The following JAK1 variants were observed in gnomAD, a reference collection of about 807,000 sequenced individuals.
The protein encoded by JAK1 is tyrosine-protein kinase JAK1.
In JAK1, 16 loss-of-function variants were observed where a neutral mutation model predicts 136.6. The ratio of observed to expected loss-of-function variants is 0.12; its 90% CI spans 0.08 to 0.18. JAK1 has a LOEUF of 0.18. Among genes scored for constraint, JAK1 ranks in the 10% least tolerant of loss-of-function variants. JAK1 has a pLI of 1.00. For synonymous variants in JAK1, 492 were observed against 519.5 expected, an observed-to-expected ratio of 0.95 and a Z score of 0.72; for missense variants, 859 against 1,450.1, an observed-to-expected ratio of 0.59 and a Z score of 6.62.
At chr1:64,937,916 G>C (rs1027792153) in intron 1 of JAK1, among the ~76,000 whole-genome samples, 4 of 151,856 alleles carry the variant, frequency 2.6e-5, no homozygotes, top group African/African-American at 7.3e-5. Flanking sequence ...GTCTCACTCT[G>C]TCGCCCAGGC....
At chr1:65,005,379 A>C (rs776500270) in intron 2 of JAK1, among the ~76,000 whole-genome samples, 5 of 151,998 alleles carry the variant, frequency 3.3e-5, no homozygotes, top group African/African-American at 9.7e-5. Context: ...TGTGGTTATT[A>C]GAGGCTGGGA....
intron 1 of JAK1, among the ~76,000 whole-genome samples, chr1:64,950,319 A>C (rs558444772): frequency 6.6e-6 from 1 of 152,146 alleles, no homozygotes; most frequent in South Asian, 2.1e-4. Context: ...GAGGCAGCAG[A>C]ATCACTTCAA....
chr1:64,951,139 G>A (rs1646078944), intron 1 of JAK1, among the ~76,000 whole-genome samples: 1 of 152,158 alleles, frequency 6.6e-6, no homozygotes, highest in East Asian at 1.9e-4. Context: ...ATTCTAACCT[G>A]AGAAAAGTAA....
At chr1:64,997,730 G>A (rs575053960) in intron 2 of JAK1, among the ~76,000 whole-genome samples, 73 of 152,258 alleles carry the variant, frequency 4.8e-4, no homozygotes, top group Non-Finnish European at 7.2e-4. Context: ...GTCGGGGACT[G>A]TTGTGGGGAG....
chr1:64,873,294 G>A (rs773627633), intron 5 of JAK1, 76 bp downstream of exon 5: 149 of 1,556,722 alleles, frequency 9.6e-5, no homozygotes, highest in Non-Finnish European at 1.3e-4. Context: ...AAGTTCAGCT[G>A]CAGCAGGGGG....
intron 2 of JAK1, among the ~76,000 whole-genome samples, chr1:65,034,311 G>C (rs180925713): frequency 4.6e-5 from 7 of 152,194 alleles, no homozygotes; most frequent in African/African-American, 1.7e-4. Context: ...GAAGATACAC[G>C]ACTTGATATG....
At chr1:64,836,835 G>A (rs1654512397) in intron 22 of JAK1, among the ~76,000 whole-genome samples, 2 of 151,382 alleles carry the variant, frequency 1.3e-5, no homozygotes, top group African/African-American at 4.9e-5. Context: ...CAGACTCCCT[G>A]GCTCCAATCT....
intron 4 of JAK1, among the ~76,000 whole-genome samples, chr1:64,875,624 T>C (rs939884183): frequency 3.9e-5 from 6 of 152,262 alleles, no homozygotes; most frequent in African/African-American, 1.4e-4. Flanking sequence ...TCAATGATTC[T>C]ATACAGCCCA....
At chr1:64,924,655 CCT>C (rs1311115520) in intron 1 of JAK1, among the ~76,000 whole-genome samples, 8 of 152,186 alleles carry the variant, frequency 5.3e-5, no homozygotes, top group Non-Finnish European at 7.3e-5. Context: ...TTCTAAAATT[CCT>C]CTGTTTGTTC....
intron 2 of JAK1, 65 bp from the exon 3 acceptor site, chr1:64,883,540 G>C: frequency 7.1e-7 from 1 of 1,402,384 alleles, no homozygotes; most frequent in Non-Finnish European, 1.0e-6. Context: ...ATGGCAAAAG[G>C]GAGTGTTCTG....
At chr1:64,868,945 A>G (rs1486157110) in intron 6 of JAK1, among the ~76,000 whole-genome samples, 1 of 151,950 alleles carries the variant, frequency 6.6e-6, no homozygotes, top group Non-Finnish European at 1.5e-5. Flanking sequence ...AGCTGCTTAC[A>G]GAACTGTACT....
intron 1 of JAK1, among the ~76,000 whole-genome samples, chr1:64,901,626 A>C (rs957757189): frequency 6.6e-6 from 1 of 152,230 alleles, no homozygotes; most frequent in African/African-American, 2.4e-5. Context: ...TTTTAAAAGT[A>C]TTCTCTTACT....
intron 1 of JAK1, among the ~76,000 whole-genome samples, chr1:65,055,163 C>T (rs1647475045): frequency 6.6e-6 from 1 of 152,122 alleles, no homozygotes; most frequent in Non-Finnish European, 1.5e-5. Flanking sequence ...CTCTCCATTC[C>T]CCCCTCTCCC....
At chr1:64,998,309 T>C (rs550935378) in intron 2 of JAK1, among the ~76,000 whole-genome samples, 1 of 152,326 alleles carries the variant, frequency 6.6e-6, no homozygotes, top group Admixed American at 6.5e-5. Context: ...TTGAAAGTAA[T>C]TACCATACTT....
chr1:64,928,778 C>CAAAAAAAAAAAAAAAAAAAAAAAAA (rs1183218798), intron 1 of JAK1, among the ~76,000 whole-genome samples: 52 of 61,128 alleles, frequency 8.5e-4, no homozygotes, highest in South Asian at 1.3e-3. Context: ...TAAAACTCTG[C>CAAAAAAAAAAAAAAAAAAAAAAAAA]AAAAAAAAAA....
intron 1 of JAK1, among the ~76,000 whole-genome samples, chr1:65,056,923 T>TAA (rs57037539): frequency 0.036 from 4,214 of 118,666 alleles, 109 homozygotes; most frequent in East Asian, 0.087. Context: ...ACTCTTTCTT[T>TAA]AAAAAAAAAA....
chr1:64,870,657 T>C (rs1012523844), intron 5 of JAK1, among the ~76,000 whole-genome samples: 4 of 152,104 alleles, frequency 2.6e-5, no homozygotes, highest in African/African-American at 9.7e-5. Context: ...TTTCTCCAGC[T>C]TGGAGCAGGG....
intron 1 of JAK1, among the ~76,000 whole-genome samples, chr1:65,059,501 T>A (rs928852580): frequency 3.3e-5 from 5 of 152,240 alleles, no homozygotes; most frequent in African/African-American, 1.2e-4. Flanking sequence ...ATAGTTTATG[T>A]CAATTCTATA....
At chr1:65,023,907 T>A (rs1431664202) in intron 2 of JAK1, among the ~76,000 whole-genome samples, 2 of 147,212 alleles carry the variant, frequency 1.4e-5, no homozygotes, top group Admixed American at 7.0e-5. Flanking sequence ...TGGTTCTAGA[T>A]TCATCCTTTT....
Sources: gnomAD v4.1 joint callset for allele counts (sites outside exome capture counted in the v4.1 genomes callset) on GRCh38, gnomAD v4.1.1 for gene constraint, MANE v1.5 for transcripts, NCBI Gene and HGNC (gene_info 2026-07-23, HGNC 2026-07-21) for gene names.